Variants in CLK2 observed in about 807,000 individuals in gnomAD.
The protein encoded by CLK2 is CDC like kinase 2.
A neutral mutation model predicts 73.5 loss-of-function variants in CLK2; 12 were observed. That is an observed-to-expected ratio of 0.16 (90% confidence interval 0.10 to 0.26). CLK2 has a LOEUF of 0.26. Among genes scored for constraint, CLK2 ranks in the 10% least tolerant of loss-of-function variants. The pLI, the probability that CLK2 is intolerant of heterozygous loss-of-function variation, is 1.00. For missense variants in CLK2, 509 were observed against 688.4 expected, an observed-to-expected ratio of 0.74 and a Z score of 2.92; for synonymous variants, 232 against 237.9, an observed-to-expected ratio of 0.98 and a Z score of 0.23.
intron 1 of CLK2, among the ~76,000 whole-genome samples, chr1:155,272,259 G>A (rs1473839437): frequency 1.3e-5 from 2 of 151,950 alleles, no homozygotes; most frequent in Non-Finnish European, 2.9e-5. Context: ...CAGGTGATCC[G>A]CCCGCCTTGG....
intron 3 of CLK2, 106 bp downstream of exon 3, chr1:155,269,382 G>T: frequency 1.0e-6 from 1 of 1,005,010 alleles, no homozygotes; most frequent in Non-Finnish European, 1.5e-6. Context: ...CCACCTCAGT[G>T]TTCATGCCCC....
chr1:155,270,011 T>G (rs1410474179), intron 2 of CLK2, among the ~76,000 whole-genome samples: 1 of 152,164 alleles, frequency 6.6e-6, no homozygotes, highest in Non-Finnish European at 1.5e-5. Flanking sequence ...CTTTCCTGAA[T>G]GAAATCCCCC....
intron 6 of CLK2, among the ~76,000 whole-genome samples, 162 bp downstream of exon 6, chr1:155,267,848 C>A (rs34395206): frequency 2.0e-5 from 3 of 152,090 alleles, no homozygotes; most frequent in Non-Finnish European, 4.4e-5. Flanking sequence ...ATGGGCCCCC[C>A]CCCTTTCCTA....
chr1:155,263,965 G>T lies in CLK2; in HGVS notation c.1302C>A (p.Asn434Lys). ...CCCAGCTCACCCGCAGCGGTTTGCA[G>T]TTCTCACGAACATAGCGCCCAGCTG... The part of the protein sequence containing the change: ...NTSAGRYVRE[N>K]CKPLRRYLTS... Residue 434 changes from asparagine (N) to lysine (K), a missense_variant, in exon 12 of 13, where the codon AAC becomes AAA. By Grantham distance (94) the Asn-to-Lys change is moderately conservative. Coordinates refer to ENST00000368361, the MANE Select transcript of CLK2 (RefSeq NM_001294338.2). 6.2e-7 allele frequency: 1 copy of T among 1,614,148 alleles called. No individual in the cohort carries two copies. Among genetic ancestry groups the T allele is most frequent in the Non-Finnish European group, 8.5e-7 (1 of 1,180,000 alleles).
intron 3 of CLK2, chr1:155,269,024 A>T: frequency 1.6e-6 from 1 of 606,238 alleles, no homozygotes; most frequent in Non-Finnish European, 2.9e-6. Context: ...GAACAGGGAG[A>T]GGCATGGGCA....
intron 8 of CLK2, 91 bp from the exon 9 acceptor site, chr1:155,264,865 T>C: frequency 6.7e-7 from 1 of 1,483,352 alleles, no homozygotes; most frequent in Non-Finnish European, 9.2e-7. Flanking sequence ...TTAAAAAAGG[T>C]ACTGTGATCT....
intron 8 of CLK2, among the ~76,000 whole-genome samples, 196 bp downstream of exon 8, chr1:155,265,664 G>A (rs1267158749): frequency 2.6e-5 from 4 of 152,056 alleles, no homozygotes; most frequent in African/African-American, 7.3e-5. Context: ...GAAGTCCCCT[G>A]TACAAGTTAT....
intron 9 of CLK2, 45 bp from the exon 10 acceptor site, chr1:155,264,595 C>A (rs745377544): frequency 1.2e-6 from 2 of 1,614,204 alleles, no homozygotes; most frequent in Non-Finnish European, 1.7e-6. Context: ...GCTTAGGTGG[C>A]CCCACCCTCA....
Position 155,268,171 on chromosome 1 carries a change from C to T in CLK2, c.555-45G>A. ...GCTTTTGCTGGGTTCTCAAGAATGTCTCAAAATGAACAGGGCTGTAGGGGG... is the reference window on the plus strand; with the variant it reads ...GCTTTTGCTGGGTTCTCAAGAATGTTTCAAAATGAACAGGGCTGTAGGGGG... On this transcript the variant is annotated intron_variant, in intron 5 of 12. Transcript: ENST00000368361. The surrounding 1 kb of genome is among the most constrained non-coding windows in gnomAD (Gnocchi z 5.6). 6.3e-7 allele frequency: 1 copy of T among 1,586,884 alleles called. No homozygotes were observed. Among genetic ancestry groups the T allele is most frequent in the Non-Finnish European group, 8.7e-7 (1 of 1,155,288 alleles).
chr1:155,268,394 G>A lies in CLK2; in HGVS notation c.488-35C>T. 1 of 1,585,482 alleles carries A rather than the reference G, an allele frequency of 6.3e-7. No individual in the cohort carries two copies. The highest frequency in any genetic ancestry group is 1.1e-5 in the South Asian group (1 of 90,424). ...AAGAGAGCAGGGTCGGGGAGAGGGA[G>A]GGAGAGAAGGTGGGGAATGAGCTGA... On this transcript the variant is annotated intron_variant, in intron 4 of 12. Transcript: ENST00000368361. This position sits in a 1 kb window ranked among gnomAD's most constrained non-coding sequence, Gnocchi z 5.6.
chr1:155,264,897 T>A lies in CLK2; in HGVS notation c.934-123A>T, dbSNP rs1394453966. Reference sequence around the variant, plus strand: ...ATCTCCTGCCTGGCCTTACAAGCCCTGGGAAATTCCTGTTTTACAGCTTCC... The same window carrying A: ...ATCTCCTGCCTGGCCTTACAAGCCCAGGGAAATTCCTGTTTTACAGCTTCC... On this transcript the variant is annotated intron_variant, in intron 8 of 12. Transcript: ENST00000368361. 4 of 1,217,562 alleles carry A rather than the reference T, an allele frequency of 3.3e-6. No individual in the cohort carries two copies. In the African/African-American group the frequency reaches 6.0e-5, roughly 18 times the overall value. 75.4% of individuals were successfully genotyped at this position (1,217,562 alleles called of 1,614,324 possible).
At position 155,262,973 on chromosome 1, in the gene CLK2, A is replaced by C; in HGVS notation, c.*245T>G. 2.3e-6 allele frequency: 1 copy of C among 428,868 alleles called. No homozygotes were observed. The allele number at this position is 428,868 out of a possible 1,614,324, so 26.6% of individuals were successfully genotyped here. A position where few individuals can be genotyped will look rare whatever the true frequency, so the allele number is the denominator to read the frequency against. On this transcript the variant is annotated 3_prime_UTR_variant, in exon 13 of 13. Transcript: ENST00000368361. ...GGTTACCTCACTCGGCCCCCATCCA[A>C]CTCCGTATGAGGGGGCAGGTGAGGG... is the stretch of plus-strand genomic sequence containing the variant.
chr1:155,268,458 T>A lies in CLK2; in HGVS notation c.488-99A>T. On this transcript the variant is annotated intron_variant, in intron 4 of 12. Transcript: ENST00000368361. The surrounding 1 kb of genome is among the most constrained non-coding windows in gnomAD (Gnocchi z 5.6). ...AGGGGACAGCAACCTGGGGTGGAGA[T>A]GAAGGAAGGGGAACAGATACAGATG... is the stretch of plus-strand genomic sequence containing the variant. The A allele has an allele frequency of 1.0e-6, 1 of 970,016 alleles. No homozygotes were observed. Among genetic ancestry groups the A allele is most frequent in the Non-Finnish European group, 1.6e-6 (1 of 606,736 alleles). 60.1% of individuals were successfully genotyped at this position (970,016 alleles called of 1,614,324 possible). A position where few individuals can be genotyped will look rare whatever the true frequency, so the allele number is the denominator to read the frequency against.
chr1:155,267,874 A>T, intron 6 of CLK2, 136 bp downstream of exon 6: 1 of 695,138 alleles, frequency 1.4e-6, no homozygotes, highest in Non-Finnish European at 2.6e-6. Context: ...ATGTTCTACT[A>T]CTCTAAGATG....
chr1:155,267,960 T>C, intron 6 of CLK2, 50 bp downstream of exon 6: 2 of 1,278,950 alleles, frequency 1.6e-6, no homozygotes, highest in Non-Finnish European at 1.1e-6. Context: ...GTCTCTCCCG[T>C]GTAGGGGTTG....
At chr1:155,265,545 C>T (rs1281118756) in intron 8 of CLK2, among the ~76,000 whole-genome samples, 1 of 126,540 alleles carries the variant, frequency 7.9e-6, no homozygotes, top group East Asian at 2.0e-4. Context: ...TCAGTCTGGG[C>T]AACAGAGTGA....
chr1:155,265,566 CAAATAAAT>C lies in CLK2; in HGVS notation c.933+286_933+293del, dbSNP rs374400975. ...TGGGCAACAGAGTGAGACTCTGTCT[CAAATAAAT>C]AAATAAATAAATAAATAAATAAATA... On this transcript the variant is annotated intron_variant, in intron 8 of 12. Coordinates refer to ENST00000368361, the MANE Select transcript of CLK2 (RefSeq NM_001294338.2). Among the ~76,000 whole-genome samples the C allele has an allele frequency of 9.4e-4, 100 of 106,496 alleles. 1 individual carries two copies. The highest frequency in any genetic ancestry group is 4.8e-3 in the Middle Eastern group (1 of 208). The allele number at this position is 106,496 out of a possible 152,430, so 69.9% of individuals were successfully genotyped here.
intron 1 of CLK2, among the ~76,000 whole-genome samples, chr1:155,271,425 C>T (rs1422055529): frequency 6.6e-6 from 1 of 152,194 alleles, no homozygotes; most frequent in African/African-American, 2.4e-5. Flanking sequence ...GGGGTTTCAC[C>T]ATGTTGGCCA....
chr1:155,263,891 AC>A, intron 12 of CLK2, 58 bp downstream of exon 12: 4 of 1,531,498 alleles, frequency 2.6e-6, no homozygotes, highest in Admixed American at 3.4e-5. Context: ...GGGGCAAACC[AC>A]CCTAAGAAGG....
Sources: allele counts gnomAD v4.1 joint callset (sites outside exome capture counted in the v4.1 genomes callset), GRCh38; gene constraint gnomAD v4.1.1; non-coding constraint Gnocchi (gnomAD v3.1); transcripts MANE v1.5; gene names NCBI Gene and HGNC (gene_info 2026-07-23, HGNC 2026-07-21).